NWD2: variants seen among roughly 807,000 people sequenced by gnomAD.
The protein encoded by NWD2 is NACHT and WD repeat domain-containing protein 2.
NWD2 carries 37 observed loss-of-function variants against 132.7 expected under a neutral mutation model. The observed-to-expected ratio is 0.28, with a 90% CI of 0.21 to 0.37. NWD2 has a LOEUF of 0.37. Among genes scored for constraint, NWD2 ranks in the 10% least tolerant of loss-of-function variants. NWD2 has a pLI of 1.00. For missense variants in NWD2, 1,592 were observed against 2,122.4 expected (o/e 0.75, Z 4.91); for synonymous variants, 705 against 803.0 (o/e 0.88, Z 2.06).
intron 1 of NWD2, among the ~76,000 whole-genome samples, chr4:37,262,718 G>A (rs1717665803): frequency 2.6e-5 from 4 of 152,124 alleles, no homozygotes; most frequent in East Asian, 1.9e-4. Flanking sequence ...AGAGGAGCAC[G>A]TGGCAAAGTG....
At chr4:37,327,212 A>G (rs182632909) in intron 2 of NWD2, among the ~76,000 whole-genome samples, 2 of 152,258 alleles carry the variant, frequency 1.3e-5, no homozygotes, top group Admixed American at 1.3e-4. Context: ...CAAGCATATA[A>G]TCCCATCTTT....
At position 37,433,859 on chromosome 4, in the gene NWD2, C is replaced by G. The variant is rs192355214; in HGVS notation, c.562-17C>G. The G allele has an allele frequency of 9.3e-5, 141 of 1,508,258 alleles. 2 individuals are homozygous for G. In the East Asian group the frequency reaches 3.2e-3, roughly 34 times the overall value. 93.4% of individuals were successfully genotyped at this position (1,508,258 alleles called of 1,614,324 possible). A position where few individuals can be genotyped will look rare whatever the true frequency, so the allele number is the denominator to read the frequency against. On this transcript the variant is annotated splice_polypyrimidine_tract_variant and intron_variant, in intron 4 of 6. Transcript: ENST00000309447. ...TGATGATTGTAAGACTAATTTCTCC[C>G]TTTTACATTTCTATAGATGCAGCCT...
intron 3 of NWD2, among the ~76,000 whole-genome samples, chr4:37,396,322 G>A (rs1272642849): frequency 6.6e-6 from 1 of 152,212 alleles, no homozygotes; most frequent in Non-Finnish European, 1.5e-5. Flanking sequence ...GCCCTGGCAT[G>A]TGGCCCTGTT....
intron 3 of NWD2, among the ~76,000 whole-genome samples, chr4:37,380,450 G>A (rs1720431149): frequency 6.6e-6 from 1 of 152,058 alleles, no homozygotes; most frequent in African/African-American, 2.4e-5. Flanking sequence ...CTCCCTCTAG[G>A]CTTTAATTCC....
At chr4:37,287,682 T>C (rs1482825257) in intron 1 of NWD2, among the ~76,000 whole-genome samples, 1 of 152,126 alleles carries the variant, frequency 6.6e-6, no homozygotes, top group African/African-American at 2.4e-5. Context: ...GGCCGCAGTC[T>C]TTGCAGTCAA....
At chr4:37,344,560 T>C (rs1019021206) in intron 2 of NWD2, among the ~76,000 whole-genome samples, 4 of 152,174 alleles carry the variant, frequency 2.6e-5, no homozygotes, top group African/African-American at 9.7e-5. Flanking sequence ...GAATAAATGA[T>C]GTGATACTTT....
intron 3 of NWD2, among the ~76,000 whole-genome samples, chr4:37,391,989 T>A (rs535365144): frequency 6.6e-6 from 1 of 152,210 alleles, no homozygotes; most frequent in Non-Finnish European, 1.5e-5. Flanking sequence ...TTACTTGAGA[T>A]CAGGAGTTTG....
chr4:37,258,925 G>A (rs1321047589), intron 1 of NWD2, among the ~76,000 whole-genome samples: 2 of 152,150 alleles, frequency 1.3e-5, no homozygotes. Flanking sequence ...TCACAAGTAG[G>A]ATCAAGGCAG....
intron 1 of NWD2, among the ~76,000 whole-genome samples, chr4:37,295,178 C>T (rs1031635748): frequency 6.6e-6 from 1 of 151,974 alleles, no homozygotes; most frequent in Non-Finnish European, 1.5e-5. Flanking sequence ...CAGCTTTCAG[C>T]TTAGTTTTTT....
At chr4:37,432,429 A>C (rs1042877384) in intron 4 of NWD2, among the ~76,000 whole-genome samples, 4 of 151,758 alleles carry the variant, frequency 2.6e-5, no homozygotes, top group African/African-American at 9.7e-5. Flanking sequence ...TATCATCATC[A>C]TAATCATGAT....
chr4:37,359,642 T>TTA (rs555734275), intron 3 of NWD2, among the ~76,000 whole-genome samples: 430 of 152,304 alleles, frequency 2.8e-3, no homozygotes, highest in African/African-American at 9.9e-3. Context: ...TTCACAGTCT[T>TTA]TAGCCTTTAT....
intron 3 of NWD2, among the ~76,000 whole-genome samples, chr4:37,360,649 T>C (rs1002368035): frequency 3.3e-5 from 5 of 152,088 alleles, no homozygotes; most frequent in African/African-American, 1.2e-4. Context: ...CTTTGCAAAG[T>C]GTGGAAAGGT....
intron 3 of NWD2, among the ~76,000 whole-genome samples, chr4:37,378,786 C>T (rs1050791214): frequency 6.6e-6 from 1 of 151,526 alleles, no homozygotes; most frequent in Non-Finnish European, 1.5e-5. Flanking sequence ...ATGCTGGGCT[C>T]AACAACAGAT....
At chr4:37,351,054 T>C (rs1719751040) in intron 2 of NWD2, among the ~76,000 whole-genome samples, 6 of 152,132 alleles carry the variant, frequency 3.9e-5, no homozygotes, top group Admixed American at 3.9e-4. Context: ...TGGATAAGCT[T>C]TTTGATGTGC....
chr4:37,301,205 G>A (rs1442619977), intron 1 of NWD2, among the ~76,000 whole-genome samples: 3 of 152,006 alleles, frequency 2.0e-5, no homozygotes, highest in Non-Finnish European at 2.9e-5. Context: ...TTGTCATGTT[G>A]TAGGTAATCT....
intron 3 of NWD2, among the ~76,000 whole-genome samples, chr4:37,429,470 A>C (rs941088204): frequency 6.6e-6 from 1 of 152,126 alleles, no homozygotes; most frequent in East Asian, 1.9e-4. Context: ...ACATGCCACC[A>C]TGCCTGGCTA....
At position 37,446,553 on chromosome 4, in the gene NWD2, ACTT is replaced by A. The variant is rs1348019434; in HGVS notation, c.4569_4571del (p.Phe1523del). On this transcript the variant is annotated inframe_deletion, in exon 7 of 7. Coordinates refer to ENST00000309447, the MANE Select transcript of NWD2 (RefSeq NM_001144990.2). The surrounding 1 kb of genome is among the most constrained non-coding windows in gnomAD (Gnocchi z 6.7). ...TGTCGGCGCGTGCAACTTCCAAACAACTTCTTGAAAAATCTGGAGGACTTTGAA... is the reference window on the plus strand; with the variant it reads ...TGTCGGCGCGTGCAACTTCCAAACAACTTGAAAAATCTGGAGGACTTTGAA... 8.4e-6 allele frequency: 13 copies of A among 1,551,652 alleles called. No homozygotes were observed. The African/African-American group carries it at 1.1e-4, about 13-fold the overall frequency.
intron 1 of NWD2, among the ~76,000 whole-genome samples, chr4:37,293,453 G>A (rs1195235383): frequency 1.3e-5 from 2 of 152,148 alleles, no homozygotes; most frequent in East Asian, 1.9e-4. Flanking sequence ...AACCATGCTT[G>A]TTTCCAAAAG....
chr4:37,302,903 G>A (rs575382217), intron 1 of NWD2, among the ~76,000 whole-genome samples: 15 of 152,186 alleles, frequency 9.9e-5, no homozygotes, highest in African/African-American at 3.6e-4. Flanking sequence ...GATTCTTCAG[G>A]TAGTCTCTTT....
Sources: gnomAD v4.1 joint callset for allele counts (sites outside exome capture counted in the v4.1 genomes callset) on GRCh38, gnomAD v4.1.1 for gene constraint, Gnocchi (gnomAD v3.1) non-coding constraint, MANE v1.5 for transcripts, NCBI Gene and HGNC (gene_info 2026-07-23, HGNC 2026-07-21) for gene names.